The following P3H2 variants were observed in gnomAD, a reference collection of about 807,000 sequenced individuals.
The protein encoded by P3H2 is leprecan-like 1.
P3H2 carries 80 observed loss-of-function variants against 87.0 expected under a neutral mutation model. The ratio of observed to expected loss-of-function variants is 0.92; its 90% CI spans 0.77 to 1.11. The LOEUF (loss-of-function observed/expected upper bound fraction) is 1.11, where lower values mean the gene tolerates loss of function less well. Ranked by LOEUF, P3H2 falls within the 50% of genes least tolerant of loss-of-function variation. The probability of loss-of-function intolerance (pLI) is 0.00; values close to 1 mark genes in which losing one functional copy is unlikely to be tolerated. For missense variants in P3H2, 1,001 were observed against 923.9 expected (o/e 1.08, Z -1.08); for synonymous variants, 367 against 359.3 (o/e 1.02, Z -0.24).
At chr3:190,070,589 A>G (rs116885435) in intron 1 of P3H2, among the ~76,000 whole-genome samples, 1 of 152,336 alleles carries the variant, frequency 6.6e-6, no homozygotes, top group East Asian at 1.9e-4. Context: ...GAGTGGTCAC[A>G]GTTCCATCAA....
At chr3:190,115,047 GT>G (rs1577331321) in intron 1 of P3H2, among the ~76,000 whole-genome samples, 1 of 152,148 alleles carries the variant, frequency 6.6e-6, no homozygotes, top group African/African-American at 2.4e-5. Context: ...AGTTTACTTT[GT>G]TTTCCCCTAG....
chr3:189,965,690 G>C (rs1722953568), intron 13 of P3H2, among the ~76,000 whole-genome samples: 1 of 152,108 alleles, frequency 6.6e-6, no homozygotes. Context: ...AAGTAGGATA[G>C]AAAAGACTTC....
At chr3:190,114,079 CAAAAA>C (rs1220002187) in intron 1 of P3H2, among the ~76,000 whole-genome samples, 4 of 79,044 alleles carry the variant, frequency 5.1e-5, no homozygotes, top group Non-Finnish European at 9.8e-5. Context: ...GACTCCGTCT[CAAAAA>C]AAAAAAAAAA....
At chr3:190,045,965 A>G (rs1725787926) in intron 1 of P3H2, among the ~76,000 whole-genome samples, 1 of 152,086 alleles carries the variant, frequency 6.6e-6, no homozygotes, top group Non-Finnish European at 1.5e-5. Flanking sequence ...AAAAATAAAA[A>G]TACAAAAATT....
intron 1 of P3H2, among the ~76,000 whole-genome samples, chr3:190,082,643 T>C (rs763203788): frequency 9.2e-5 from 14 of 152,186 alleles, no homozygotes; most frequent in Non-Finnish European, 1.9e-4. Context: ...TACCATACTA[T>C]TGAATACTGA....
At position 189,995,431 on chromosome 3, in the gene P3H2, G is replaced by GAAA. The variant is rs765372898; in HGVS notation, c.491_492insTTT (p.Leu164_Glu165insPhe). On this transcript the variant is annotated inframe_insertion, in exon 2 of 15. Coordinates refer to ENST00000319332, the MANE Select transcript of P3H2 (RefSeq NM_018192.4). ...TGTGAGCTGCTTCCACTGCTTTTTC[G>GAAA]AGCTGGTTAAGCTAAAGAGAAAAAA... 6 of 1,613,330 alleles carry GAAA rather than the reference G, an allele frequency of 3.7e-6. No individual in the cohort carries two copies. The African/African-American group carries it at 5.3e-5, about 14-fold the overall frequency.
chr3:189,970,768 A>G lies in P3H2; in HGVS notation c.1893+48T>C, dbSNP rs374583804. 5.4e-6 allele frequency: 6 copies of G among 1,105,000 alleles called. No homozygotes were observed. In the African/African-American group the frequency reaches 6.1e-5, roughly 11 times the overall value. The allele number at this position is 1,105,000 out of a possible 1,614,324, so 68.4% of individuals were successfully genotyped here. A position where few individuals can be genotyped will look rare whatever the true frequency, so the allele number is the denominator to read the frequency against. On this transcript the variant is annotated intron_variant, in intron 13 of 14. Coordinates refer to ENST00000319332, the MANE Select transcript of P3H2 (RefSeq NM_018192.4). The stretch of plus-strand genomic sequence containing the variant: ...TGTAAGTACTTAGAAAAATGGCAAT[A>G]CTGAGCTAAAACATACTAAATAAGT...
intron 1 of P3H2, among the ~76,000 whole-genome samples, chr3:190,037,829 GAGACAAC>G (rs1725472075): frequency 6.6e-6 from 1 of 152,106 alleles, no homozygotes; most frequent in Non-Finnish European, 1.5e-5. Context: ...TCTTTAAAAT[GAGACAAC>G]AGAATATTTC....
intron 1 of P3H2, among the ~76,000 whole-genome samples, chr3:189,995,966 T>C (rs1724040611): frequency 6.6e-6 from 1 of 152,128 alleles, no homozygotes; most frequent in Non-Finnish European, 1.5e-5. Flanking sequence ...TAACAAGTGT[T>C]GACAAGGAAG....
At chr3:189,980,589 G>C (rs563484651) in intron 8 of P3H2, among the ~76,000 whole-genome samples, 1 of 152,092 alleles carries the variant, frequency 6.6e-6, no homozygotes, top group East Asian at 1.9e-4. Flanking sequence ...AGATATGAAA[G>C]TGTTTTCTGG....
chr3:189,984,810 T>A lies in P3H2; in HGVS notation c.1189-220A>T, dbSNP rs541062891. 1.8e-4 allele frequency among the ~76,000 whole-genome samples: 28 copies of A among 152,216 alleles called. No homozygotes were observed. In the South Asian group the frequency reaches 5.2e-3, roughly 28 times the overall value. On this transcript the variant is annotated intron_variant, in intron 6 of 14. Transcript: ENST00000319332. ...TGGCAAGGAAAAAATGAAATACAAG[T>A]CGAGTTTTCAAATACTATGGAATTA...
At chr3:190,085,513 C>G (rs577744271) in intron 1 of P3H2, among the ~76,000 whole-genome samples, 1 of 152,306 alleles carries the variant, frequency 6.6e-6, no homozygotes, top group Admixed American at 6.5e-5. Context: ...TTTGCAGCTC[C>G]ACACAGTCTG....
intron 1 of P3H2, among the ~76,000 whole-genome samples, chr3:190,061,465 A>C (rs1726329446): frequency 6.6e-6 from 1 of 152,156 alleles, no homozygotes; most frequent in South Asian, 2.1e-4. Context: ...AGAATTACAA[A>C]GACTGGCAGC....
At chr3:190,102,860 G>A (rs1280290044) in intron 1 of P3H2, among the ~76,000 whole-genome samples, 4 of 152,014 alleles carry the variant, frequency 2.6e-5, no homozygotes, top group Non-Finnish European at 5.9e-5. Flanking sequence ...TTTTGTTTTC[G>A]TTTTTGTTTT....
intron 1 of P3H2, among the ~76,000 whole-genome samples, chr3:190,044,299 C>T (rs1725733169): frequency 6.6e-6 from 1 of 152,156 alleles, no homozygotes; most frequent in African/African-American, 2.4e-5. Flanking sequence ...ACACATGACA[C>T]ATTAGTTTCA....
At chr3:190,031,763 G>A (rs1725262571) in intron 1 of P3H2, among the ~76,000 whole-genome samples, 1 of 148,230 alleles carries the variant, frequency 6.7e-6, no homozygotes, top group Admixed American at 6.8e-5. Flanking sequence ...ATGCAGATTG[G>A]TAACAAAAAT....
At chr3:190,005,266 A>C (rs187720125) in intron 1 of P3H2, among the ~76,000 whole-genome samples, 5 of 151,892 alleles carry the variant, frequency 3.3e-5, no homozygotes, top group African/African-American at 1.2e-4. Context: ...TGCTTGTCAC[A>C]AGCACTGGGA....
intron 7 of P3H2, 38 bp from the exon 8 acceptor site, chr3:189,983,178 T>G (rs1294380173): frequency 6.9e-7 from 1 of 1,448,244 alleles, no homozygotes. Context: ...AATTTGTCAT[T>G]GAATAACGAT....
intron 1 of P3H2, among the ~76,000 whole-genome samples, chr3:190,077,775 G>A (rs982427663): frequency 6.6e-6 from 1 of 152,190 alleles, no homozygotes; most frequent in Non-Finnish European, 1.5e-5. Flanking sequence ...TTTAGGAAGA[G>A]ATGCAACTAC....
Sources: allele counts gnomAD v4.1 joint callset (sites outside exome capture counted in the v4.1 genomes callset), GRCh38; gene constraint gnomAD v4.1.1; transcripts MANE v1.5; gene names NCBI Gene and HGNC (gene_info 2026-07-23, HGNC 2026-07-21).